The following CAMK2D variants were observed in gnomAD, a reference collection of about 807,000 sequenced individuals.
CAMK2D encodes calcium/calmodulin-dependent protein kinase type II subunit delta.
Under a neutral mutation model 84.0 loss-of-function variants are expected in CAMK2D, and 37 were observed. That is an observed-to-expected ratio of 0.44 (90% CI 0.34 to 0.58). CAMK2D has a LOEUF of 0.58. Ranked by LOEUF, CAMK2D falls within the 20% of genes least tolerant of loss-of-function variation. The pLI is 0.02. For missense variants in CAMK2D, 448 were observed against 652.5 expected, an observed-to-expected ratio of 0.69 and a Z score of 3.41; for synonymous variants, 202 against 212.5, an observed-to-expected ratio of 0.95 and a Z score of 0.43.
chr4:113,463,577 T>C (rs2097419765), intron 17 of CAMK2D, among the ~76,000 whole-genome samples: 1 of 152,206 alleles, frequency 6.6e-6, no homozygotes, highest in Admixed American at 6.5e-5. Flanking sequence ...GGTTTCTCCA[T>C]GCTGGTCAGG....
At chr4:113,586,930 A>G (rs1459505943) in intron 4 of CAMK2D, among the ~76,000 whole-genome samples, 2 of 152,208 alleles carry the variant, frequency 1.3e-5, no homozygotes, top group East Asian at 3.9e-4. Flanking sequence ...ATAAGACTTC[A>G]GAAAGTCTCT....
intron 8 of CAMK2D, among the ~76,000 whole-genome samples, chr4:113,526,101 AAAG>A (rs1314213526): frequency 2.0e-5 from 3 of 152,188 alleles, no homozygotes; most frequent in Admixed American, 2.0e-4. Context: ...ATATGTAACA[AAAG>A]AATACATTAT....
In CAMK2D at chr4:113,563,082, T is replaced by C. The variant is rs536071358; in HGVS notation, c.276-10986A>G. Among the ~76,000 whole-genome samples, 167 of 151,986 alleles carry C rather than the reference T, an allele frequency of 1.1e-3. 2 individuals are homozygous for C. Among genetic ancestry groups the C allele is most frequent in the African/African-American group, 3.9e-3 (160 of 41,396 alleles). On this transcript the variant is annotated intron_variant, in intron 4 of 20. Transcript: ENST00000511664. ...CAGGCTAGCCAACATGGTGAAACCCTGTCTCTACTAAAAATACAAAAGTTA... is the reference window on the plus strand; with the variant it reads ...CAGGCTAGCCAACATGGTGAAACCCCGTCTCTACTAAAAATACAAAAGTTA...
intron 7 of CAMK2D, among the ~76,000 whole-genome samples, chr4:113,535,343 T>A (rs2098482542): frequency 6.6e-6 from 1 of 152,146 alleles, no homozygotes; most frequent in Non-Finnish European, 1.5e-5. Flanking sequence ...ACTTGCTTGC[T>A]CCTACACCCT....
chr4:113,657,277 C>A (rs1178934953), intron 3 of CAMK2D, among the ~76,000 whole-genome samples: 3 of 152,086 alleles, frequency 2.0e-5, no homozygotes, highest in Non-Finnish European at 2.9e-5. Flanking sequence ...TATTTTAATT[C>A]TCTGCATAGA....
rs1041324214 is a variant in CAMK2D at position 113,493,534 on chromosome 4, C to G, written c.1135+6929G>C. The stretch of plus-strand genomic sequence containing the variant: ...TCAGCTGTTAGTCTGATGGGCTTCC[C>G]TTTGAGGGTGACCCGACCTTTCTCT... On this transcript the variant is annotated intron_variant, in intron 16 of 20. Transcript: ENST00000511664. 2.0e-5 allele frequency among the ~76,000 whole-genome samples: 3 copies of G among 152,308 alleles called. No individual in the cohort carries two copies. In the South Asian group the frequency reaches 6.2e-4, roughly 32 times the overall value.
intron 16 of CAMK2D, among the ~76,000 whole-genome samples, chr4:113,483,754 C>T (rs28463111): frequency 0.34 from 50,902 of 151,782 alleles, 8,839 homozygotes; most frequent in Middle Eastern, 0.4. Context: ...AGCCACTGCA[C>T]TCCAGCCTGG....
intron 2 of CAMK2D, among the ~76,000 whole-genome samples, chr4:113,751,176 G>A (rs965993439): frequency 6.6e-6 from 1 of 152,152 alleles, no homozygotes; most frequent in Non-Finnish European, 1.5e-5. Flanking sequence ...CACAGAGGGG[G>A]AAAGTTGATG....
chr4:113,656,289 G>A (rs1019318559), intron 3 of CAMK2D, among the ~76,000 whole-genome samples: 1 of 152,100 alleles, frequency 6.6e-6, no homozygotes, highest in South Asian at 2.1e-4. Context: ...AAAACGGGCT[G>A]TACTCTACAA....
chr4:113,702,891 T>C (rs1460958521), intron 2 of CAMK2D, among the ~76,000 whole-genome samples: 3 of 151,690 alleles, frequency 2.0e-5, no homozygotes, highest in Admixed American at 6.5e-5. Flanking sequence ...AGAACGAGAC[T>C]CTTATCTTAA....
chr4:113,519,536 T>C (rs975939357), intron 8 of CAMK2D, among the ~76,000 whole-genome samples: 1 of 152,108 alleles, frequency 6.6e-6, no homozygotes, highest in Non-Finnish European at 1.5e-5. Context: ...AAAAACATAT[T>C]ATAGGTGCTA....
intron 6 of CAMK2D, among the ~76,000 whole-genome samples, chr4:113,547,440 C>T (rs111658004): frequency 0.01 from 1,553 of 152,274 alleles, 27 homozygotes; most frequent in African/African-American, 0.035. Context: ...TTATTTCTAT[C>T]TGGATAAATC....
At chr4:113,694,526 T>C (rs961809654) in intron 2 of CAMK2D, among the ~76,000 whole-genome samples, 1 of 152,134 alleles carries the variant, frequency 6.6e-6, no homozygotes, top group Non-Finnish European at 1.5e-5. Context: ...GTGGGTCACA[T>C]GTTCACTAAC....
chr4:113,692,521 C>T (rs1286767994), intron 2 of CAMK2D, among the ~76,000 whole-genome samples: 1 of 151,918 alleles, frequency 6.6e-6, no homozygotes, highest in Non-Finnish European at 1.5e-5. Flanking sequence ...TTCATGCATA[C>T]ATATTCATAT....
intron 2 of CAMK2D, chr4:113,677,634 G>A (rs1399771412): frequency 1.9e-6 from 1 of 522,502 alleles, no homozygotes; most frequent in Non-Finnish European, 2.5e-6. Flanking sequence ...CATGTCAGTA[G>A]TGGCCCTTGG....
In CAMK2D at chr4:113,467,126, G is replaced by A. The variant is rs187285148; in HGVS notation, c.1136-1522C>T. The stretch of plus-strand genomic sequence containing the variant: ...ATATTTTAGAAATCAAATTTTACTG[G>A]ATTTTAAGAATATTGCGATATTCCC... On this transcript the variant is annotated intron_variant, in intron 16 of 20. Coordinates refer to ENST00000511664, the MANE Select transcript of CAMK2D (RefSeq NM_001321571.2). 5.3e-3 allele frequency among the ~76,000 whole-genome samples: 813 copies of A among 152,108 alleles called. 11 individuals carry two copies. The highest frequency in any genetic ancestry group is 0.018 in the African/African-American group (743 of 41,506).
intron 2 of CAMK2D, among the ~76,000 whole-genome samples, chr4:113,687,445 C>A (rs1008868158): frequency 5.3e-5 from 8 of 152,148 alleles, no homozygotes; most frequent in Non-Finnish European, 8.8e-5. Flanking sequence ...ATGGCTTAAC[C>A]AACTAGCATG....
intron 8 of CAMK2D, among the ~76,000 whole-genome samples, chr4:113,526,381 C>T (rs997642679): frequency 2.7e-5 from 4 of 150,050 alleles, no homozygotes; most frequent in Non-Finnish European, 5.9e-5. Flanking sequence ...ATGAGATGCC[C>T]TATGGCTATA....
chr4:113,475,848 T>C (rs914275762), intron 16 of CAMK2D, among the ~76,000 whole-genome samples: 3 of 152,150 alleles, frequency 2.0e-5, no homozygotes, highest in East Asian at 3.8e-4. Flanking sequence ...TCCATCACTA[T>C]CCAGTCCATA....
Sources: gnomAD v4.1 joint callset for allele counts (sites outside exome capture counted in the v4.1 genomes callset) on GRCh38, gnomAD v4.1.1 for gene constraint, MANE v1.5 for transcripts, NCBI Gene and HGNC (gene_info 2026-07-23, HGNC 2026-07-21) for gene names.